GABRG3: variants seen among roughly 807,000 people sequenced by gnomAD.
GABRG3 encodes the protein gamma-aminobutyric acid receptor subunit gamma-3.
In GABRG3, 25 loss-of-function variants were observed where a neutral mutation model predicts 48.8. The ratio of observed to expected loss-of-function variants is 0.51; its 90% confidence interval spans 0.37 to 0.72. The LOEUF (loss-of-function observed/expected upper bound fraction) is 0.72, where lower values mean the gene tolerates loss of function less well. GABRG3 is among the 30% of genes least tolerant of loss of function. The pLI is 0.00. For synonymous variants in GABRG3, 227 were observed against 217.6 expected, an observed-to-expected ratio of 1.04 and a Z score of -0.38; for missense variants, 394 against 577.9, an observed-to-expected ratio of 0.68 and a Z score of 3.26.
At chr15:27,108,884 G>T (rs1897496075) in intron 3 of GABRG3, among the ~76,000 whole-genome samples, 1 of 151,836 alleles carries the variant, frequency 6.6e-6, no homozygotes, top group African/African-American at 2.4e-5. Context: ...AATTAATATG[G>T]CTATTCCAAC....
intron 5 of GABRG3, among the ~76,000 whole-genome samples, chr15:27,406,446 C>T (rs1887636009): frequency 6.6e-6 from 1 of 152,146 alleles, no homozygotes; most frequent in Non-Finnish European, 1.5e-5. Context: ...GTGACCCTCA[C>T]CAGTGATGAG....
chr15:27,522,665 A>G (rs1345132182), intron 7 of GABRG3, among the ~76,000 whole-genome samples: 1 of 151,826 alleles, frequency 6.6e-6, no homozygotes, highest in Non-Finnish European at 1.5e-5. Flanking sequence ...TTAAAAATGT[A>G]TGAAAATATA....
intron 3 of GABRG3, among the ~76,000 whole-genome samples, chr15:27,193,724 C>G (rs1007245513): frequency 6.6e-6 from 1 of 152,208 alleles, no homozygotes; most frequent in Non-Finnish European, 1.5e-5. Context: ...GCGCTGCACC[C>G]ACTGACCTGC....
rs530462974 is a variant in GABRG3 at position 27,481,713 on chromosome 15, A to G, written c.712+926A>G. ...AAGGGAGAAAAACAAAAGATTCTCT[A>G]TGAGTGTCATGGTAGAAAATCTGAG... On this transcript the variant is annotated intron_variant, in intron 6 of 9. Transcript: ENST00000615808. 4.6e-5 allele frequency among the ~76,000 whole-genome samples: 7 copies of G among 152,330 alleles called. No individual in the cohort carries two copies. In the South Asian group the frequency reaches 1.4e-3, roughly 32 times the overall value.
rs117980794 is a variant in GABRG3, at chr15:27,297,234, A to G, written c.271-29575A>G. On this transcript the variant is annotated intron_variant, in intron 3 of 9. Transcript: ENST00000615808. ...GTCAAAAGAAAGTTTATAAAGTAAA[A>G]GTGTTACAATTAGCTAAGGTTAATT... is the stretch of plus-strand genomic sequence containing the variant. Among the ~76,000 whole-genome samples, 168 of 152,304 alleles carry G rather than the reference A, an allele frequency of 1.1e-3. 2 individuals are homozygous for G. In the East Asian group the frequency reaches 0.025, roughly 23 times the overall value.
intron 3 of GABRG3, among the ~76,000 whole-genome samples, chr15:27,138,018 G>T (rs2140387594): frequency 6.6e-6 from 1 of 152,198 alleles, no homozygotes; most frequent in East Asian, 1.9e-4. Context: ...ATTTTCCTTT[G>T]TGCTCATTTA....
At chr15:27,157,032 A>C (rs1286662214) in intron 3 of GABRG3, among the ~76,000 whole-genome samples, 37 of 152,200 alleles carry the variant, frequency 2.4e-4, no homozygotes, top group Admixed American at 2.1e-3. Context: ...CCCCAGCCCC[A>C]AGTCCAACAG....
chr15:27,159,040 T>C (rs571631474), intron 3 of GABRG3, among the ~76,000 whole-genome samples: 1 of 152,298 alleles, frequency 6.6e-6, no homozygotes, highest in African/African-American at 2.4e-5. Context: ...TCACTTTGCT[T>C]ATGGCACCTA....
intron 5 of GABRG3, among the ~76,000 whole-genome samples, chr15:27,438,088 A>G (rs543498513): frequency 1.5e-4 from 23 of 152,264 alleles, no homozygotes; most frequent in African/African-American, 5.5e-4. Context: ...GGAGGGGACA[A>G]ATATCCAAAA....
At chr15:27,203,378 A>G (rs1320924036) in intron 3 of GABRG3, among the ~76,000 whole-genome samples, 4 of 152,166 alleles carry the variant, frequency 2.6e-5, no homozygotes, top group African/African-American at 9.7e-5. Context: ...ATATGATTTC[A>G]TTCTTTTTTA....
chr15:27,183,913 C>T (rs1888012227), intron 3 of GABRG3, among the ~76,000 whole-genome samples: 1 of 152,192 alleles, frequency 6.6e-6, no homozygotes, highest in Non-Finnish European at 1.5e-5. Context: ...ATTTATTCAT[C>T]ACTAACTCTG....
At chr15:27,320,242 C>T (rs1029439409) in intron 3 of GABRG3, among the ~76,000 whole-genome samples, 16 of 152,220 alleles carry the variant, frequency 1.1e-4, no homozygotes, top group Admixed American at 3.9e-4. Context: ...TTTTTCTCCT[C>T]TGACATCCCC....
intron 5 of GABRG3, among the ~76,000 whole-genome samples, chr15:27,397,617 C>G (rs1265233866): frequency 6.6e-6 from 1 of 152,118 alleles, no homozygotes; most frequent in African/African-American, 2.4e-5. Context: ...GCCTCCGCCT[C>G]TGCTCGTCTA....
Position 27,532,656 on chromosome 15 carries a change from T to C in GABRG3, c.1179T>C (p.Asn393=). 6.2e-7 allele frequency: 1 copy of C among 1,613,992 alleles called. No homozygotes were observed. Among genetic ancestry groups the C allele is most frequent in the Non-Finnish European group, 8.5e-7 (1 of 1,179,876 alleles). ...PPPTAMITLN[N]SVYWQEFEDT... is the part of the protein sequence containing the mutation. ...CAACTGCGATGATCACTTTAAACAATTCCGTTTACTGGCAGGAATTTGAAG... is the reference window on the plus strand; with the variant it reads ...CAACTGCGATGATCACTTTAAACAACTCCGTTTACTGGCAGGAATTTGAAG... The change falls in exon 10 of 10, where the codon AAT becomes AAC. Residue 393 remains asparagine (N), a synonymous_variant. Transcript: ENST00000615808.
intron 5 of GABRG3, among the ~76,000 whole-genome samples, chr15:27,380,039 A>T (rs1361241512): frequency 6.6e-6 from 1 of 150,502 alleles, no homozygotes; most frequent in African/African-American, 2.4e-5. Flanking sequence ...TTTTATAATT[A>T]TCCGATGGTT....
In GABRG3 at chr15:27,141,300, C is replaced by A. The variant is rs559305779; in HGVS notation, c.270+114479C>A. Among the ~76,000 whole-genome samples the A allele has an allele frequency of 3.3e-4, 50 of 152,186 alleles. 1 individual carries two copies. The South Asian group carries it at 9.8e-3, about 30-fold the overall frequency. On this transcript the variant is annotated intron_variant, in intron 3 of 9. Coordinates refer to ENST00000615808, the MANE Select transcript of GABRG3 (RefSeq NM_033223.5). The stretch of plus-strand genomic sequence containing the variant: ...CACAAAAAGGACCAAATTGTTACAG[C>A]CCAGACTAGATCCTAGGTTAAGCTC...
chr15:27,523,472 A>T (rs1478347424), intron 7 of GABRG3, among the ~76,000 whole-genome samples: 1 of 151,852 alleles, frequency 6.6e-6, no homozygotes, highest in East Asian at 1.9e-4. Context: ...TGATAAAATT[A>T]TACCAGAAAT....
intron 6 of GABRG3, among the ~76,000 whole-genome samples, chr15:27,514,974 T>C (rs550425140): frequency 6.8e-6 from 1 of 146,096 alleles, no homozygotes; most frequent in South Asian, 2.2e-4. Flanking sequence ...TGGTCCTGGG[T>C]TATTAAGGAA....
intron 6 of GABRG3, among the ~76,000 whole-genome samples, chr15:27,514,052 G>A (rs1037085475): frequency 1.3e-5 from 2 of 152,192 alleles, no homozygotes; most frequent in African/African-American, 4.8e-5. Flanking sequence ...AAATGAGGAT[G>A]CATAATTTAT....
Sources: gnomAD v4.1 joint callset for allele counts (sites outside exome capture counted in the v4.1 genomes callset) on GRCh38, gnomAD v4.1.1 for gene constraint, MANE v1.5 for transcripts, NCBI Gene and HGNC (gene_info 2026-07-23, HGNC 2026-07-21) for gene names.